SGCD: variants seen among roughly 807,000 people sequenced by gnomAD.
The protein encoded by SGCD is delta-sarcoglycan.
Under a neutral mutation model 36.6 loss-of-function variants are expected in SGCD, and 18 were observed. That is an observed-to-expected ratio of 0.49 (90% CI 0.34 to 0.73). The LOEUF (loss-of-function observed/expected upper bound fraction) is 0.73, where lower values mean the gene tolerates loss of function less well. Among genes scored for constraint, SGCD ranks in the 30% least tolerant of loss-of-function variants. The pLI, the probability that SGCD is intolerant of heterozygous loss-of-function variation, is 0.01. For synonymous variants in SGCD, 133 were observed against 130.6 expected, an observed-to-expected ratio of 1.02 and a Z score of -0.12; for missense variants, 387 against 346.7, an observed-to-expected ratio of 1.12 and a Z score of -0.92.
intron 6 of SGCD, among the ~76,000 whole-genome samples, chr5:156,603,431 G>A (rs865895388): frequency 3.3e-5 from 5 of 151,116 alleles, no homozygotes; most frequent in South Asian, 4.2e-4. Flanking sequence ...AATTCTACTC[G>A]ATCTTTATTA....
chr5:156,717,546 G>A (rs1471671082), intron 7 of SGCD, among the ~76,000 whole-genome samples: 1 of 152,180 alleles, frequency 6.6e-6, no homozygotes, highest in Non-Finnish European at 1.5e-5. Context: ...GCTGACGCTG[G>A]AGGAACTGCC....
At chr5:156,149,353 C>T (rs1220807234) in intron 3 of SGCD, among the ~76,000 whole-genome samples, 1 of 152,128 alleles carries the variant, frequency 6.6e-6, no homozygotes, top group East Asian at 1.9e-4. Context: ...GGCTGTTATT[C>T]ATTCTTTCTA....
At chr5:156,241,972 A>G (rs1315509116) in intron 3 of SGCD, among the ~76,000 whole-genome samples, 1 of 152,134 alleles carries the variant, frequency 6.6e-6, no homozygotes, top group Non-Finnish European at 1.5e-5. Context: ...GCCCTCAAAC[A>G]GGTTGAGAAA....
At chr5:156,566,956 T>G (rs1222272252) in intron 4 of SGCD, among the ~76,000 whole-genome samples, 3 of 152,118 alleles carry the variant, frequency 2.0e-5, no homozygotes, top group African/African-American at 7.2e-5. Context: ...GAACATAGCT[T>G]CTTCTTCTCA....
chr5:156,127,036 A>G (rs972379241), intron 3 of SGCD, among the ~76,000 whole-genome samples: 6 of 152,180 alleles, frequency 3.9e-5, no homozygotes, highest in African/African-American at 1.4e-4. Flanking sequence ...AAAATAAGGG[A>G]GCTTATAAAA....
the SGCD span, among the ~76,000 whole-genome samples, chr5:155,762,955 G>A: frequency 6.6e-6 from 1 of 152,146 alleles, no homozygotes; most frequent in African/African-American, 2.4e-5. Flanking sequence ...TTACTTATAT[G>A]GGGTGTCTTC....
intron 3 of SGCD, among the ~76,000 whole-genome samples, chr5:156,368,634 A>G (rs961631184): frequency 2.0e-5 from 3 of 151,742 alleles, no homozygotes; most frequent in South Asian, 2.1e-4. Context: ...GCCACTCTCC[A>G]TCACTTGCAT....
chr5:156,477,384 C>A (rs1338908412), intron 3 of SGCD, among the ~76,000 whole-genome samples: 1 of 152,150 alleles, frequency 6.6e-6, no homozygotes, highest in East Asian at 1.9e-4. Flanking sequence ...TTTGGATAAA[C>A]ATAGGACAGG....
At chr5:155,875,003 GA>G (rs68132109) in intron 1 of SGCD, among the ~76,000 whole-genome samples, 63,906 of 151,654 alleles carry the variant, frequency 0.42, 15,281 homozygotes, top group African/African-American at 0.64. Context: ...CCAAAACTGG[GA>G]AAAAAAATGG....
chr5:156,271,447 G>A (rs1264702126), intron 3 of SGCD, among the ~76,000 whole-genome samples: 4 of 152,112 alleles, frequency 2.6e-5, no homozygotes. Flanking sequence ...CTGTAGGTAG[G>A]CCAGGGCAGG....
intron 4 of SGCD, among the ~76,000 whole-genome samples, chr5:156,583,526 A>C (rs886288601): frequency 6.6e-6 from 1 of 152,174 alleles, no homozygotes. Context: ...CTGGCCACTC[A>C]TATCATGTAC....
At chr5:155,889,749 CTTGTGAGTAAG>C (rs1255957263) in intron 1 of SGCD, among the ~76,000 whole-genome samples, 1 of 152,178 alleles carries the variant, frequency 6.6e-6, no homozygotes, top group Non-Finnish European at 1.5e-5. Flanking sequence ...CACCTAGCCT[CTTGTGAGTAAG>C]ATCATATCAC....
At chr5:156,224,310 T>C (rs978504470) in intron 3 of SGCD, among the ~76,000 whole-genome samples, 1 of 152,044 alleles carries the variant, frequency 6.6e-6, no homozygotes, top group Non-Finnish European at 1.5e-5. Context: ...ATCTTTCTGA[T>C]CATAACCTAC....
At chr5:156,245,484 T>A (rs1179902658) in intron 3 of SGCD, among the ~76,000 whole-genome samples, 1 of 152,142 alleles carries the variant, frequency 6.6e-6, no homozygotes, top group Non-Finnish European at 1.5e-5. Context: ...GTGGGGAATT[T>A]TATAATGGTT....
intron 3 of SGCD, among the ~76,000 whole-genome samples, chr5:156,191,472 G>C (rs1391276711): frequency 6.6e-6 from 1 of 152,090 alleles, no homozygotes; most frequent in Non-Finnish European, 1.5e-5. Flanking sequence ...CAGAATGTTA[G>C]GTATGTTGTT....
intron 1 of SGCD, among the ~76,000 whole-genome samples, chr5:155,940,890 C>G (rs1757310183): frequency 1.3e-5 from 2 of 151,954 alleles, no homozygotes; most frequent in Non-Finnish European, 2.9e-5. Flanking sequence ...AAAACATTAA[C>G]TAGTGTTATT....
the SGCD span, among the ~76,000 whole-genome samples, chr5:155,845,695 G>T: frequency 6.6e-6 from 1 of 152,334 alleles, no homozygotes; most frequent in Non-Finnish European, 1.5e-5. Flanking sequence ...GTGGTGAAAA[G>T]GTGGGAGACT....
chr5:156,506,024 G>A (rs1756679647), intron 3 of SGCD, among the ~76,000 whole-genome samples: 1 of 152,024 alleles, frequency 6.6e-6, no homozygotes, highest in Non-Finnish European at 1.5e-5. Flanking sequence ...CCCACAGAAA[G>A]GAATTATTTC....
rs1197126757 is a variant in SGCD at position 156,360,266 on chromosome 5, A to G, written c.192+15589A>G. Among the ~76,000 whole-genome samples, 9 of 137,252 alleles carry G rather than the reference A, an allele frequency of 6.6e-5. No homozygotes were observed. The East Asian group carries it at 1.6e-3, about 25-fold the overall frequency. 90.0% of individuals were successfully genotyped at this position (137,252 alleles called of 152,430 possible). A position where few individuals can be genotyped will look rare whatever the true frequency, so the allele number is the denominator to read the frequency against. On this transcript the variant is annotated intron_variant, in intron 3 of 8. Transcript: ENST00000337851. ...CCTAATTTTTTTTTTTTTTTTTTGG[A>G]GACAAAGTCTTGCTCTTGTCACCCA...
Sources: gnomAD v4.1 joint callset for allele counts (sites outside exome capture counted in the v4.1 genomes callset) on GRCh38, gnomAD v4.1.1 for gene constraint, MANE v1.5 for transcripts, NCBI Gene and HGNC (gene_info 2026-07-23, HGNC 2026-07-21) for gene names.